LEPR: variants seen among roughly 807,000 people sequenced by gnomAD.
The protein encoded by LEPR is leptin receptor, also known as OB receptor.
In LEPR, 56 loss-of-function variants were observed where a neutral mutation model predicts 114.7. That is an observed-to-expected ratio of 0.49 (90% CI 0.39 to 0.61). The LOEUF is 0.61. Among genes scored for constraint, LEPR ranks in the 20% least tolerant of loss-of-function variants. The pLI is 0.00. For missense variants in LEPR, 1,202 were observed against 1,352.9 expected, an observed-to-expected ratio of 0.89 and a Z score of 1.75; for synonymous variants, 443 against 461.4, an observed-to-expected ratio of 0.96 and a Z score of 0.51.
Position 65,639,169 on chromosome 1 carries a change from A to G in LEPR, c.*2154A>G, listed in dbSNP as rs1316154174. 1 of 152,206 alleles carries G rather than the reference A, an allele frequency of 6.6e-6. No homozygotes were observed. Among genetic ancestry groups the G allele is most frequent in the African/African-American group, 2.4e-5 (1 of 41,452 alleles). 9.4% of individuals were successfully genotyped at this position (152,206 alleles called of 1,614,324 possible). On this transcript the variant is annotated 3_prime_UTR_variant, in exon 20 of 20. Transcript: ENST00000349533. ...GTATGTATCTTACTTGAGTGAATTCAACAGTCCCAGGACCACTGTAGTGCT... is the reference window on the plus strand; with the variant it reads ...GTATGTATCTTACTTGAGTGAATTCGACAGTCCCAGGACCACTGTAGTGCT...
chr1:65,538,959 A>C (rs1276352552), intron 2 of LEPR, among the ~76,000 whole-genome samples: 1 of 138,046 alleles, frequency 7.2e-6, no homozygotes, highest in South Asian at 2.3e-4. Context: ...TTGTGTGATT[A>C]TTTTCTCCTT....
chr1:65,452,278 C>T (rs1203040172), intron 2 of LEPR, among the ~76,000 whole-genome samples: 2 of 151,746 alleles, frequency 1.3e-5, no homozygotes, highest in Non-Finnish European at 2.9e-5. Context: ...ATTTCCTTCT[C>T]CTGCCTAATT....
Position 65,572,417 on chromosome 1 carries a change from T to A in LEPR, c.462T>A (p.Asn154Lys). The change falls in exon 5 of 20, where the codon AAT (asparagine) becomes AAA (lysine). Residue 154 changes from asparagine (N) to lysine (K), a missense_variant. Transcript: ENST00000349533. ...VESLFKNLFR[N>K]YNYKVHLLYV... ...CATTATTTAAGAATCTATTCAGGAATTATAACTATAAGGTCCATCTTTTAT... is the reference window on the plus strand; with the variant it reads ...CATTATTTAAGAATCTATTCAGGAAATATAACTATAAGGTCCATCTTTTAT... 1 of 1,592,286 alleles carries A rather than the reference T, an allele frequency of 6.3e-7. No individual in the cohort carries two copies. The highest frequency in any genetic ancestry group is 8.6e-7 in the Non-Finnish European group (1 of 1,166,640).
At chr1:65,619,697 G>A (rs1389825117) in intron 16 of LEPR, among the ~76,000 whole-genome samples, 2 of 152,128 alleles carry the variant, frequency 1.3e-5, no homozygotes, top group Non-Finnish European at 2.9e-5. Context: ...GCAATCTTCT[G>A]TCTCTGGCTA....
chr1:65,462,485 C>T (rs1048701862), intron 2 of LEPR, among the ~76,000 whole-genome samples: 2 of 152,128 alleles, frequency 1.3e-5, no homozygotes, highest in African/African-American at 4.8e-5. Flanking sequence ...TTTGTAGTAG[C>T]AAGATTTATA....
intron 2 of LEPR, chr1:65,526,063 G>A: frequency 2.1e-6 from 2 of 957,892 alleles, no homozygotes; most frequent in Non-Finnish European, 1.2e-6. Context: ...CTGGACACAC[G>A]GCTGACAGCA....
chr1:65,564,470 T>C (rs1464467373), intron 2 of LEPR, among the ~76,000 whole-genome samples: 1 of 143,246 alleles, frequency 7.0e-6, no homozygotes, highest in African/African-American at 2.6e-5. Context: ...CCTAGTGAGA[T>C]GAACCCGGTA....
At chr1:65,557,247 A>G (rs2100745790) in intron 2 of LEPR, among the ~76,000 whole-genome samples, 1 of 152,284 alleles carries the variant, frequency 6.6e-6, no homozygotes, top group Admixed American at 6.5e-5. Context: ...AACTACTCAG[A>G]ATTTATAATT....
At chr1:65,477,490 C>A (rs943036950) in intron 2 of LEPR, among the ~76,000 whole-genome samples, 4 of 152,178 alleles carry the variant, frequency 2.6e-5, no homozygotes, top group Non-Finnish European at 5.9e-5. Context: ...CACTTCTACA[C>A]GAAGGGTAAG....
At chr1:65,593,417 C>A (rs1162772238) in intron 6 of LEPR, among the ~76,000 whole-genome samples, 1 of 151,922 alleles carries the variant, frequency 6.6e-6, no homozygotes, top group Non-Finnish European at 1.5e-5. Flanking sequence ...TGCAAAGATC[C>A]CCCAAATCTC....
chr1:65,498,956 T>C (rs1393210953), intron 2 of LEPR, among the ~76,000 whole-genome samples: 1 of 152,088 alleles, frequency 6.6e-6, no homozygotes, highest in Non-Finnish European at 1.5e-5. Flanking sequence ...CAGTTTTCTT[T>C]CCAATTGAGT....
intron 2 of LEPR, among the ~76,000 whole-genome samples, chr1:65,537,306 TA>T (rs1173574717): frequency 1.3e-5 from 2 of 152,024 alleles, no homozygotes; most frequent in African/African-American, 4.8e-5. Flanking sequence ...TGTACATGGT[TA>T]AAAAAAACTT....
intron 14 of LEPR, 97 bp downstream of exon 14, chr1:65,610,393 C>A: frequency 9.7e-6 from 10 of 1,029,428 alleles, no homozygotes; most frequent in Non-Finnish European, 1.4e-5. Context: ...TCGGAAAGCT[C>A]AACAATCCTG....
intron 18 of LEPR, among the ~76,000 whole-genome samples, chr1:65,622,146 T>A (rs6658330): frequency 0.25 from 37,698 of 151,668 alleles, 5,402 homozygotes; most frequent in African/African-American, 0.38. Flanking sequence ...TTTAGTTTTT[T>A]AAAAAAAATG....
intron 2 of LEPR, among the ~76,000 whole-genome samples, chr1:65,527,929 A>G (rs1026184749): frequency 1.3e-5 from 2 of 152,138 alleles, no homozygotes; most frequent in Non-Finnish European, 2.9e-5. Context: ...CTGAAACTGG[A>G]TGGATCCAAC....
At chr1:65,569,802 A>T (rs1337554183) in intron 3 of LEPR, among the ~76,000 whole-genome samples, 1 of 151,624 alleles carries the variant, frequency 6.6e-6, no homozygotes, top group African/African-American at 2.4e-5. Flanking sequence ...TTTTATATTT[A>T]AACAGTGATA....
At chr1:65,602,041 C>A in intron 10 of LEPR, 81 bp downstream of exon 10, 2 of 1,177,964 alleles carry the variant, frequency 1.7e-6, no homozygotes, top group South Asian at 1.2e-5. Context: ...CAACAGTAGT[C>A]TTACAGATTA....
chr1:65,634,137 G>A (rs554529501), intron 19 of LEPR: 5 of 985,096 alleles, frequency 5.1e-6, no homozygotes, highest in African/African-American at 1.7e-5. Flanking sequence ...TTCAGCACAC[G>A]AATTATGCTG....
chr1:65,571,452 A>G (rs1654147277), intron 4 of LEPR, among the ~76,000 whole-genome samples: 1 of 152,140 alleles, frequency 6.6e-6, no homozygotes, highest in Non-Finnish European at 1.5e-5. Flanking sequence ...GGAAATATAA[A>G]CAACAAAATT....
Sources: allele counts gnomAD v4.1 joint callset (sites outside exome capture counted in the v4.1 genomes callset), GRCh38; gene constraint gnomAD v4.1.1; transcripts MANE v1.5; gene names NCBI Gene and HGNC (gene_info 2026-07-23, HGNC 2026-07-21).